The following GREM2 variants were observed in gnomAD, a reference collection of about 807,000 sequenced individuals.
GREM2 encodes the protein gremlin 2, DAN family BMP antagonist, also known as gremlin-2.
In GREM2, 11 loss-of-function variants were observed where a neutral mutation model predicts 14.2. That is an observed-to-expected ratio of 0.78 (90% confidence interval 0.49 to 1.28). GREM2 has a LOEUF of 1.28. Among genes scored for constraint, GREM2 ranks in the 50% most tolerant of loss-of-function variants. The pLI is 0.00. For missense variants in GREM2, 210 were observed against 218.5 expected (o/e 0.96, Z 0.24); for synonymous variants, 98 against 97.6 (o/e 1.00, Z -0.02).
intron 1 of GREM2, among the ~76,000 whole-genome samples, chr1:240,608,690 T>C (rs1680077558): frequency 6.6e-6 from 1 of 152,206 alleles, no homozygotes; most frequent in East Asian, 1.9e-4. Flanking sequence ...GAAATTGAGT[T>C]CACTGTGAAA....
At chr1:240,548,918 A>G (rs1354418011) in intron 1 of GREM2, among the ~76,000 whole-genome samples, 1 of 152,226 alleles carries the variant, frequency 6.6e-6, no homozygotes, top group African/African-American at 2.4e-5. Flanking sequence ...AGGAGAAGCT[A>G]CTGAGTAATC....
At chr1:240,514,778 T>C (rs1014904427) in intron 1 of GREM2, among the ~76,000 whole-genome samples, 54 of 152,260 alleles carry the variant, frequency 3.5e-4, no homozygotes, top group African/African-American at 1.3e-3. Context: ...TGCACAGCTG[T>C]ATTCCCAGCT....
intron 1 of GREM2, among the ~76,000 whole-genome samples, chr1:240,590,988 G>C (rs540774190): frequency 6.6e-6 from 1 of 150,964 alleles, no homozygotes; most frequent in Non-Finnish European, 1.5e-5. Flanking sequence ...CACCAGGTTG[G>C]CCAGGCTGGT....
chr1:240,518,062 CA>C (rs1677989639), intron 1 of GREM2, among the ~76,000 whole-genome samples: 1 of 152,208 alleles, frequency 6.6e-6, no homozygotes, highest in South Asian at 2.1e-4. Flanking sequence ...TAGCGTCAAT[CA>C]AAGGCATTTC....
intron 1 of GREM2, among the ~76,000 whole-genome samples, chr1:240,502,689 G>A (rs1438448272): frequency 6.6e-6 from 1 of 152,142 alleles, no homozygotes; most frequent in Non-Finnish European, 1.5e-5. Context: ...GAACAGAACA[G>A]CACCGATCCT....
intron 1 of GREM2, among the ~76,000 whole-genome samples, chr1:240,550,554 T>C (rs1678826294): frequency 6.6e-6 from 1 of 152,146 alleles, no homozygotes; most frequent in Admixed American, 6.5e-5. Flanking sequence ...GCCGGGGTAC[T>C]TGGGGAGTAG....
chr1:240,601,209 T>G (rs1328409872), intron 1 of GREM2, among the ~76,000 whole-genome samples: 2 of 152,230 alleles, frequency 1.3e-5, no homozygotes, highest in African/African-American at 4.8e-5. Context: ...AAGCATTATC[T>G]CACATAATTC....
intron 1 of GREM2, among the ~76,000 whole-genome samples, chr1:240,603,817 T>C (rs1339443414): frequency 6.7e-6 from 1 of 150,342 alleles, no homozygotes; most frequent in Non-Finnish European, 1.5e-5. Context: ...TATATGCTAT[T>C]GTGTTATATA....
intron 1 of GREM2, among the ~76,000 whole-genome samples, chr1:240,587,950 G>A (rs1268548740): frequency 2.0e-5 from 3 of 152,072 alleles, no homozygotes; most frequent in Admixed American, 6.6e-5. Flanking sequence ...CCTCCAGCCT[G>A]GCTGTCAAGG....
At chr1:240,509,653 C>T (rs576375833) in intron 1 of GREM2, among the ~76,000 whole-genome samples, 5 of 152,254 alleles carry the variant, frequency 3.3e-5, no homozygotes, top group Admixed American at 2.0e-4. Context: ...CAGGCATGAG[C>T]CACTGCACCC....
intron 1 of GREM2, among the ~76,000 whole-genome samples, chr1:240,497,612 T>TA (rs34367111): frequency 6.7e-4 from 94 of 140,326 alleles, no homozygotes; most frequent in African/African-American, 1.9e-3. Context: ...GCAAAGGGAG[T>TA]AAAAAAAAAA....
At chr1:240,518,354 G>T (rs1677994798) in intron 1 of GREM2, among the ~76,000 whole-genome samples, 1 of 152,178 alleles carries the variant, frequency 6.6e-6, no homozygotes, top group Non-Finnish European at 1.5e-5. Context: ...TTGCCGTTTT[G>T]AAATATTATC....
At chr1:240,547,889 T>C (rs1182440758) in intron 1 of GREM2, among the ~76,000 whole-genome samples, 2 of 151,240 alleles carry the variant, frequency 1.3e-5, no homozygotes, top group Admixed American at 6.6e-5. Context: ...AATAAGTAAG[T>C]AAATGCATGA....
chr1:240,527,600 G>A (rs998406807), intron 1 of GREM2, among the ~76,000 whole-genome samples: 7 of 152,208 alleles, frequency 4.6e-5, no homozygotes, highest in Admixed American at 1.3e-4. Context: ...AGGGAGGTAC[G>A]TAGGTGAGAC....
At position 240,516,862 on chromosome 1, in the gene GREM2, C is replaced by T. The variant is rs966813959; in HGVS notation, c.-1-23386G>A. On this transcript the variant is annotated intron_variant, in intron 1 of 1. Transcript: ENST00000318160. ...CCCAGTGTGATCCAGTGATGTAACA[C>T]GTATTGGAAGATGGGGGTCGGCCAG... 2.0e-5 allele frequency among the ~76,000 whole-genome samples: 3 copies of T among 152,228 alleles called. No individual in the cohort carries two copies. In the East Asian group the frequency reaches 5.8e-4, roughly 29 times the overall value.
chr1:240,510,718 T>C (rs1365340912), intron 1 of GREM2, among the ~76,000 whole-genome samples: 2 of 152,224 alleles, frequency 1.3e-5, no homozygotes, highest in African/African-American at 4.8e-5. Flanking sequence ...AAATTCAGTC[T>C]GTGGTTAACA....
At chr1:240,524,358 T>C (rs992198478) in intron 1 of GREM2, among the ~76,000 whole-genome samples, 9 of 152,248 alleles carry the variant, frequency 5.9e-5, no homozygotes, top group African/African-American at 2.2e-4. Flanking sequence ...TCTTTGTCTA[T>C]GACATGTATT....
At position 240,515,549 on chromosome 1, in the gene GREM2, TTCTC is replaced by T. The variant is rs572013816; in HGVS notation, c.-1-22077_-1-22074del. 3.1e-3 allele frequency among the ~76,000 whole-genome samples: 470 copies of T among 152,328 alleles called. 3 individuals carry two copies. Among genetic ancestry groups the T allele is most frequent in the African/African-American group, 0.011 (443 of 41,568 alleles). ...ATTTTTCCTCATTTACTCATTTCCT[TTCTC>T]TCTCTGGGAGGGCACTTTTGAGATT... On this transcript the variant is annotated intron_variant, in intron 1 of 1. Transcript: ENST00000318160.
chr1:240,511,435 G>A (rs181525012), intron 1 of GREM2, among the ~76,000 whole-genome samples: 1 of 152,338 alleles, frequency 6.6e-6, no homozygotes, highest in African/African-American at 2.4e-5. Context: ...TACCATGGGA[G>A]AATATCCATA....
Sources: gnomAD v4.1 joint callset for allele counts (sites outside exome capture counted in the v4.1 genomes callset) on GRCh38, gnomAD v4.1.1 for gene constraint, MANE v1.5 for transcripts, NCBI Gene and HGNC (gene_info 2026-07-23, HGNC 2026-07-21) for gene names.